The following ZNF655 variants were observed in gnomAD, a reference collection of about 807,000 sequenced individuals.
ZNF655 encodes the protein zinc finger protein 655.
A neutral mutation model predicts 6.6 loss-of-function variants in ZNF655; 3 were observed. That is an observed-to-expected ratio of 0.46 (90% CI 0.21 to 1.18). The LOEUF is 1.18. Among genes scored for constraint, ZNF655 ranks in the 50% most tolerant of loss-of-function variants. The pLI is 0.24. For missense variants in ZNF655, 526 were observed against 572.3 expected (o/e 0.92, Z 0.83); for synonymous variants, 178 against 195.0 (o/e 0.91, Z 0.73).
At chr7:99,564,081 A>T (rs765104912) in intron 2 of ZNF655, 81 of 1,581,450 alleles carry the variant, frequency 5.1e-5, no homozygotes, top group Non-Finnish European at 6.4e-5. Flanking sequence ...TGACTGATGG[A>T]ATAGAAGCTC....
At chr7:99,563,704 T>C (rs1803392591) in intron 2 of ZNF655, among the ~76,000 whole-genome samples, 1 of 152,128 alleles carries the variant, frequency 6.6e-6, no homozygotes, top group African/African-American at 2.4e-5. Flanking sequence ...TTCTTTTTTT[T>C]TTTTCCGTTG....
Position 99,558,661 on chromosome 7 carries a change from G to C in ZNF655, c.-154G>C, listed in dbSNP as rs780274147. ...GCCCTCATTCGGGACCCTGCACTCC[G>C]TCGCCGGAAGTGCCACCGAGAAGCG... is the stretch of plus-strand genomic sequence containing the variant. On this transcript the variant is annotated 5_prime_UTR_variant, in exon 1 of 3. Coordinates refer to ENST00000252713, the MANE Select transcript of ZNF655 (RefSeq NM_138494.3). 2 of 152,048 alleles carry C rather than the reference G, an allele frequency of 1.3e-5. No homozygotes were observed. Among genetic ancestry groups the C allele is most frequent in the Non-Finnish European group, 2.9e-5 (2 of 68,038 alleles). The allele number at this position is 152,048 out of a possible 1,614,324, so 9.4% of individuals were successfully genotyped here.
chr7:99,573,746 T>C lies in ZNF655; in HGVS notation c.*162T>C, dbSNP rs1185961888. On this transcript the variant is annotated 3_prime_UTR_variant, in exon 3 of 3. Transcript: ENST00000252713. ...TAATTCACACCAGAGAGAAACCCTC[T>C]GAATGTGACGAATGAAGAAAAGGTA... is the stretch of plus-strand genomic sequence containing the variant. 15 of 787,812 alleles carry C rather than the reference T, an allele frequency of 1.9e-5. No individual in the cohort carries two copies. The Admixed American group carries it at 4.4e-4, about 23-fold the overall frequency. 48.8% of individuals were successfully genotyped at this position (787,812 alleles called of 1,614,324 possible). A position where few individuals can be genotyped will look rare whatever the true frequency, so the allele number is the denominator to read the frequency against.
intron 2 of ZNF655, among the ~76,000 whole-genome samples, chr7:99,566,151 GA>G (rs1393717122): frequency 1.3e-5 from 2 of 152,140 alleles, no homozygotes; most frequent in Admixed American, 6.5e-5. Context: ...GAGGCTCAGA[GA>G]AGTTAAGTGA....
intron 2 of ZNF655, chr7:99,562,237 G>A (rs1386461348): frequency 5.3e-5 from 62 of 1,161,266 alleles, no homozygotes; most frequent in East Asian, 7.3e-5. Context: ...GCTTTATTCC[G>A]TAGGTTCTAA....
At chr7:99,560,464 G>A in intron 1 of ZNF655, 69 bp from the exon 2 acceptor site, 6 of 1,474,020 alleles carry the variant, frequency 4.1e-6, no homozygotes, top group Non-Finnish European at 5.5e-6. Context: ...CCTTTGCAAA[G>A]TCCTGACGAT....
chr7:99,567,901 A>T (rs1245553736), intron 2 of ZNF655, among the ~76,000 whole-genome samples: 1 of 151,874 alleles, frequency 6.6e-6, no homozygotes, highest in East Asian at 2.0e-4. Context: ...TCTACTAAAA[A>T]TACAAAAATT....
chr7:99,563,818 C>T (rs952154396), intron 2 of ZNF655: 52 of 1,575,240 alleles, frequency 3.3e-5, no homozygotes, highest in African/African-American at 1.1e-4. Flanking sequence ...CCCACTGGGA[C>T]GGTTTTTAGT....
At position 99,573,915 on chromosome 7, in the gene ZNF655, A is replaced by G. The variant is rs150954448; in HGVS notation, c.*331A>G. 1.9e-3 allele frequency: 484 copies of G among 257,286 alleles called. 2 individuals are homozygous for G. Among genetic ancestry groups the G allele is most frequent in the African/African-American group, 7.0e-3 (314 of 44,620 alleles). 15.9% of individuals were successfully genotyped at this position (257,286 alleles called of 1,614,324 possible). On this transcript the variant is annotated 3_prime_UTR_variant, in exon 3 of 3. Coordinates refer to ENST00000252713, the MANE Select transcript of ZNF655 (RefSeq NM_138494.3). ...AGAATTCACATGGGAATAAAATTCC[A>G]TTGCTGCAATGAATGTGAAAAAGCC... is the stretch of plus-strand genomic sequence containing the variant.
intron 2 of ZNF655, chr7:99,571,367 G>A: frequency 2.4e-5 from 30 of 1,251,644 alleles, no homozygotes; most frequent in Non-Finnish European, 2.9e-5. Flanking sequence ...CTAATCCGAA[G>A]ATTAATCTTT....
chr7:99,566,041 GTA>G (rs71108452), intron 2 of ZNF655, among the ~76,000 whole-genome samples: 70 of 149,970 alleles, frequency 4.7e-4, no homozygotes, highest in African/African-American at 1.0e-3. Flanking sequence ...GTGTGTGTGT[GTA>G]TATATATATA....
rs558237705 is a variant in ZNF655, at chr7:99,563,873, CCGCCTTCCCA to C, written c.136+3180_136+3189del. 7,193 of 1,611,194 alleles carry C rather than the reference CCGCCTTCCCA, an allele frequency of 4.5e-3. 28 individuals are homozygous for C. The highest frequency in any genetic ancestry group is 5.2e-3 in the Non-Finnish European group (6,183 of 1,179,522). On this transcript the variant is annotated intron_variant, in intron 2 of 2. Coordinates refer to ENST00000252713, the MANE Select transcript of ZNF655 (RefSeq NM_138494.3). Reference sequence around the variant, plus strand: ...CTTTAATCTTTGTAGGCATACTTCTCCGCCTTCCCACCACCCGGATTCATAGTGTGAATTC... The same window carrying C: ...CTTTAATCTTTGTAGGCATACTTCTCCCACCCGGATTCATAGTGTGAATTC...
At position 99,573,270 on chromosome 7, in the gene ZNF655, G is replaced by A. The variant is rs775505597; in HGVS notation, c.1162G>A (p.Asp388Asn). ...CTATACGTGTAGTGAATGTGGAAAAGACTTCAGATTGAATTCACATCTTAT... is the reference window on the plus strand; with the variant it reads ...CTATACGTGTAGTGAATGTGGAAAAAACTTCAGATTGAATTCACATCTTAT... Reference protein sequence around the residue: ...KPYTCSECGKDFRLNSHLIQH... With the variant: ...KPYTCSECGKNFRLNSHLIQH... Residue 388 changes from aspartate to asparagine, a missense_variant, in exon 3 of 3, where the codon GAC (aspartate) becomes AAC (asparagine). Physicochemically the swap from Asp to Asn is conservative, Grantham distance 23. Transcript: ENST00000252713. 3 of 1,614,028 alleles carry A rather than the reference G, an allele frequency of 1.9e-6. No homozygotes were observed. The African/African-American group carries it at 4.0e-5, about 22-fold the overall frequency.
Position 99,564,130 on chromosome 7 carries a change from A to G in ZNF655, c.136+3435A>G, listed in dbSNP as rs1240270069. 5 of 1,505,412 alleles carry G rather than the reference A, an allele frequency of 3.3e-6. No individual in the cohort carries two copies. The African/African-American group carries it at 4.2e-5, about 13-fold the overall frequency. The allele number at this position is 1,505,412 out of a possible 1,614,324, so 93.3% of individuals were successfully genotyped here. A position where few individuals can be genotyped will look rare whatever the true frequency, so the allele number is the denominator to read the frequency against. On this transcript the variant is annotated intron_variant, in intron 2 of 2. Coordinates refer to ENST00000252713, the MANE Select transcript of ZNF655 (RefSeq NM_138494.3). Reference sequence around the variant, plus strand: ...CACTGTGTAAAATCGCAGCTCCTCAAATTACCTCTGTTTAATTTCAAATGT... The same window carrying G: ...CACTGTGTAAAATCGCAGCTCCTCAGATTACCTCTGTTTAATTTCAAATGT...
At chr7:99,569,452 A>G (rs1803870418) in intron 2 of ZNF655, among the ~76,000 whole-genome samples, 1 of 151,964 alleles carries the variant, frequency 6.6e-6, no homozygotes, top group Non-Finnish European at 1.5e-5. Flanking sequence ...GCTTGTTAGG[A>G]GGCAAAATCA....
intron 2 of ZNF655, 21 bp downstream of exon 2, chr7:99,560,716 C>G (rs1207733111): frequency 3.7e-6 from 6 of 1,612,172 alleles, no homozygotes; most frequent in East Asian, 4.5e-5. Flanking sequence ...GAAAGCACTT[C>G]CGTCTGGGAG....
chr7:99,573,633 A>G lies in ZNF655; in HGVS notation c.*49A>G, dbSNP rs778052484. ...TTATCAAATTCAGGCTTCATTCAGC[A>G]TCTGAGAGTTCACACCAGGGAGAAA... is the stretch of plus-strand genomic sequence containing the variant. On this transcript the variant is annotated 3_prime_UTR_variant, in exon 3 of 3. Transcript: ENST00000252713. 1.9e-6 allele frequency: 3 copies of G among 1,558,588 alleles called. No individual in the cohort carries two copies. The African/African-American group carries it at 4.1e-5, about 21-fold the overall frequency.
chr7:99,562,512 A>G (rs771257714), intron 2 of ZNF655: 1 of 1,605,996 alleles, frequency 6.2e-7, no homozygotes, highest in South Asian at 1.1e-5. Context: ...CTTCCTTATT[A>G]TTCGGTTTAT....
At chr7:99,567,673 A>G (rs1803732188) in intron 2 of ZNF655, among the ~76,000 whole-genome samples, 1 of 152,246 alleles carries the variant, frequency 6.6e-6, no homozygotes, top group African/African-American at 2.4e-5. Context: ...ATGTTGAGCA[A>G]ATTATTTAAT....
Sources: allele counts gnomAD v4.1 joint callset (sites outside exome capture counted in the v4.1 genomes callset), GRCh38; gene constraint gnomAD v4.1.1; transcripts MANE v1.5; gene names NCBI Gene and HGNC (gene_info 2026-07-23, HGNC 2026-07-21).